Variants in PRR5L observed in about 807,000 individuals in gnomAD.
PRR5L encodes proline-rich protein 5-like.
Under a neutral mutation model 36.4 loss-of-function variants are expected in PRR5L, and 21 were observed. That is an observed-to-expected ratio of 0.58 (90% CI 0.41 to 0.83). The LOEUF (loss-of-function observed/expected upper bound fraction) is 0.83, where lower values mean the gene tolerates loss of function less well. PRR5L is among the 40% of genes least tolerant of loss of function. PRR5L has a pLI of 0.00. For missense variants in PRR5L, 381 were observed against 473.3 expected (o/e 0.80, Z 1.81); for synonymous variants, 188 against 197.0 (o/e 0.95, Z 0.38).
chr11:36,369,144 G>A (rs866798279), intron 1 of PRR5L, among the ~76,000 whole-genome samples: 6 of 152,174 alleles, frequency 3.9e-5, no homozygotes, highest in Non-Finnish European at 7.3e-5. Flanking sequence ...GATAATCTGG[G>A]GTGATTAAGA....
rs777704576 is a variant in PRR5L, at chr11:36,462,664, C to T, written c.1035C>T (p.Asn345=). 7 of 1,609,680 alleles carry T rather than the reference C, an allele frequency of 4.3e-6. No homozygotes were observed. The South Asian group carries it at 5.5e-5, about 13-fold the overall frequency. ...QCSSEPNITD[N]PDGLEEGARG... is the part of the protein sequence containing the mutation. ...CCAGTGAGCCCAACATCACTGACAA[C>T]CCTGACGGACTGGAGGAGGGGGCCA... Residue 345 remains asparagine (N), a synonymous_variant, in exon 9 of 9, where the codon AAC becomes AAT. Transcript: ENST00000530639.
intron 4 of PRR5L, among the ~76,000 whole-genome samples, chr11:36,420,079 T>A (rs192534053): frequency 6.6e-6 from 1 of 152,304 alleles, no homozygotes; most frequent in South Asian, 2.1e-4. Flanking sequence ...TTTTCATGAC[T>A]CTAACCAAAG....
intron 6 of PRR5L, among the ~76,000 whole-genome samples, chr11:36,443,340 A>G (rs1858762221): frequency 6.6e-6 from 1 of 152,216 alleles, no homozygotes; most frequent in Non-Finnish European, 1.5e-5. Context: ...GCCATTCATG[A>G]GGGATCCGCT....
chr11:36,410,924 T>A (rs879883873), intron 3 of PRR5L, among the ~76,000 whole-genome samples: 4 of 152,244 alleles, frequency 2.6e-5, no homozygotes, highest in Non-Finnish European at 5.9e-5. Context: ...GGACCCCTGC[T>A]GTTCCTGGAT....
intron 8 of PRR5L, among the ~76,000 whole-genome samples, chr11:36,459,016 A>C (rs939069850): frequency 4.6e-5 from 7 of 152,210 alleles, no homozygotes; most frequent in Admixed American, 4.6e-4. Context: ...GCTCTGGCAG[A>C]AAAGGAGGCT....
chr11:36,447,329 G>A lies in PRR5L; in HGVS notation c.585+889G>A, dbSNP rs115828248. On this transcript the variant is annotated intron_variant, in intron 7 of 8. Coordinates refer to ENST00000530639, the MANE Select transcript of PRR5L (RefSeq NM_001160167.2). Reference sequence around the variant, plus strand: ...TAAGATTTGGAATTATGCACACTGTGCTTCCTCCCCAGAGGAAATAATTTA... The same window carrying A: ...TAAGATTTGGAATTATGCACACTGTACTTCCTCCCCAGAGGAAATAATTTA... Among the ~76,000 whole-genome samples the A allele has an allele frequency of 7.2e-3, 1,094 of 152,312 alleles. 9 individuals are homozygous for A. The highest frequency in any genetic ancestry group is 0.024 in the African/African-American group (1,012 of 41,568).
rs932436417 is a variant in PRR5L at position 36,377,943 on chromosome 11, A to G, written c.-125-23054A>G. On this transcript the variant is annotated intron_variant, in intron 1 of 8. Coordinates refer to ENST00000530639, the MANE Select transcript of PRR5L (RefSeq NM_001160167.2). The surrounding 1 kb of genome is among the most constrained non-coding windows in gnomAD (Gnocchi z 5.1). ...CGACACGTGCACATTCAGATGACCC[A>G]TGCTAAGGACCAAAGGGATGCCACC... Among the ~76,000 whole-genome samples the G allele has an allele frequency of 6.6e-6, 1 of 152,130 alleles. No individual in the cohort carries two copies. Among genetic ancestry groups the G allele is most frequent in the Admixed American group, 6.5e-5 (1 of 15,278 alleles).
intron 1 of PRR5L, among the ~76,000 whole-genome samples, chr11:36,378,874 C>A (rs1177961359): frequency 4.6e-5 from 7 of 152,146 alleles, no homozygotes; most frequent in Admixed American, 4.6e-4. Context: ...AGTAATTTGT[C>A]TAAAGCCATA....
At chr11:36,422,258 G>A (rs958006824) in intron 4 of PRR5L, among the ~76,000 whole-genome samples, 1 of 152,152 alleles carries the variant, frequency 6.6e-6, no homozygotes, top group African/African-American at 2.4e-5. Flanking sequence ...GTAGAGGCGA[G>A]CTTAGCCTTC....
intron 1 of PRR5L, among the ~76,000 whole-genome samples, chr11:36,302,768 T>C (rs1327471419): frequency 1.3e-5 from 2 of 152,036 alleles, no homozygotes; most frequent in Non-Finnish European, 1.5e-5. Context: ...CTAGCCTGGG[T>C]GACGGAGCGA....
intron 1 of PRR5L, among the ~76,000 whole-genome samples, chr11:36,329,559 T>C (rs1856698099): frequency 6.6e-6 from 1 of 152,248 alleles, no homozygotes; most frequent in South Asian, 2.1e-4. Flanking sequence ...TGCTCAAAGA[T>C]AATCAAAGTA....
chr11:36,350,486 A>T (rs1856917916), intron 1 of PRR5L, among the ~76,000 whole-genome samples: 1 of 152,110 alleles, frequency 6.6e-6, no homozygotes, highest in African/African-American at 2.4e-5. Context: ...CCAGTTAAAA[A>T]AAGTTCATGT....
chr11:36,374,368 C>T (rs1857231872), intron 1 of PRR5L, among the ~76,000 whole-genome samples: 2 of 151,928 alleles, frequency 1.3e-5, no homozygotes, highest in Admixed American at 1.3e-4. Flanking sequence ...GCTGGGATTA[C>T]AGGCGTGAGC....
At chr11:36,449,787 C>G (rs1328165468) in intron 7 of PRR5L, among the ~76,000 whole-genome samples, 2 of 152,236 alleles carry the variant, frequency 1.3e-5, no homozygotes, top group African/African-American at 4.8e-5. Context: ...GAGGACAGCA[C>G]CTTCCTAGAG....
At chr11:36,421,161 G>GGT (rs961129837) in intron 4 of PRR5L, among the ~76,000 whole-genome samples, 1 of 152,118 alleles carries the variant, frequency 6.6e-6, no homozygotes, top group African/African-American at 2.4e-5. Flanking sequence ...AAACCTGCTG[G>GGT]GTTGAATTGC....
chr11:36,316,852 G>A (rs534356537), intron 1 of PRR5L, among the ~76,000 whole-genome samples: 1 of 152,278 alleles, frequency 6.6e-6, no homozygotes, highest in African/African-American at 2.4e-5. Context: ...TTGGGAAAGG[G>A]TTACTATCAA....
rs1339496766 is a variant in PRR5L, at chr11:36,377,511, C to T, written c.-125-23486C>T. Reference sequence around the variant, plus strand: ...GGCAGCTGGGACCCTGCCTGCCCAACCCTCCGGCCCATTTTCCTTGAGGCC... The same window carrying T: ...GGCAGCTGGGACCCTGCCTGCCCAATCCTCCGGCCCATTTTCCTTGAGGCC... On this transcript the variant is annotated intron_variant, in intron 1 of 8. Transcript: ENST00000530639. This position sits in a 1 kb window ranked among gnomAD's most constrained non-coding sequence, Gnocchi z 5.1. 6.6e-6 allele frequency: 1 copy of T among 152,344 alleles called. No individual in the cohort carries two copies. The highest frequency in any genetic ancestry group is 2.4e-5 in the African/African-American group (1 of 41,464). 9.4% of individuals were successfully genotyped at this position (152,344 alleles called of 1,614,324 possible).
chr11:36,447,748 C>G (rs182037005), intron 7 of PRR5L, among the ~76,000 whole-genome samples: 1 of 152,188 alleles, frequency 6.6e-6, no homozygotes, highest in East Asian at 1.9e-4. Flanking sequence ...CATTCTCCCC[C>G]TTTCCTGTAA....
At chr11:36,424,205 A>C (rs1858331215) in intron 4 of PRR5L, among the ~76,000 whole-genome samples, 1 of 152,238 alleles carries the variant, frequency 6.6e-6, no homozygotes, top group Non-Finnish European at 1.5e-5. Flanking sequence ...AGGTTATTGC[A>C]CATCAGTTGT....
Sources: gnomAD v4.1 joint callset for allele counts (sites outside exome capture counted in the v4.1 genomes callset) on GRCh38, gnomAD v4.1.1 for gene constraint, Gnocchi (gnomAD v3.1) non-coding constraint, MANE v1.5 for transcripts, NCBI Gene and HGNC (gene_info 2026-07-23, HGNC 2026-07-21) for gene names.